Variants in CD7 observed in about 807,000 individuals in gnomAD.
CD7 encodes T-cell antigen CD7.
CD7 carries 19 observed loss-of-function variants against 17.6 expected under a neutral mutation model. The observed-to-expected ratio is 1.08, with a 90% CI of 0.75 to 1.58. CD7 has a LOEUF of 1.58. Ranked by LOEUF, CD7 falls within the 40% of genes most tolerant of loss-of-function variation. The pLI is 0.00. For missense variants in CD7, 291 were observed against 327.1 expected, an observed-to-expected ratio of 0.89 and a Z score of 0.85; for synonymous variants, 160 against 159.8, an observed-to-expected ratio of 1.00 and a Z score of -0.01.
chr17:82,317,411 T>C lies in CD7; in HGVS notation c.82+3A>G. On this transcript the variant is annotated splice_donor_region_variant and intron_variant, in intron 1 of 3. Transcript: ENST00000312648. ...GGCCATGGAGAGCCTGGGAAGCTCT[T>C]ACCTTGGGCAGCCAGGGCCCCAGGC... is the stretch of plus-strand genomic sequence containing the variant. 1 of 1,554,140 alleles carries C rather than the reference T, an allele frequency of 6.4e-7. No individual in the cohort carries two copies. Among genetic ancestry groups the C allele is most frequent in the Non-Finnish European group, 8.7e-7 (1 of 1,150,798 alleles).
chr17:82,315,647 G>C, intron 3 of CD7: 1 of 565,136 alleles, frequency 1.8e-6, no homozygotes, highest in Non-Finnish European at 3.2e-6. Context: ...GAGTGGAAGT[G>C]GCTTGGACCC....
chr17:82,316,603 G>A (rs2147260667), intron 2 of CD7, 64 bp downstream of exon 2: 4 of 1,526,162 alleles, frequency 2.6e-6, no homozygotes, highest in East Asian at 2.2e-5. Context: ...ACAAGGGCTG[G>A]GGGAGCAGAG....
At position 82,315,265 on chromosome 17, in the gene CD7, TG is replaced by T; in HGVS notation, c.*55del. ...GGGTGTGGCAGGGTGGGGGGCATGG[TG>T]GGGCAGGGAAGGTGCTGGGGGGACC... On this transcript the variant is annotated 3_prime_UTR_variant, in exon 4 of 4. Transcript: ENST00000312648. The T allele has an allele frequency of 1.3e-6, 1 of 770,394 alleles. No individual in the cohort carries two copies. The highest frequency in any genetic ancestry group is 1.8e-6 in the Non-Finnish European group (1 of 554,908). The allele number at this position is 770,394 out of a possible 1,614,324, so 47.7% of individuals were successfully genotyped here. A position where few individuals can be genotyped will look rare whatever the true frequency, so the allele number is the denominator to read the frequency against.
chr17:82,317,048 G>A, intron 1 of CD7, 67 bp from the exon 2 acceptor site: 2 of 1,402,492 alleles, frequency 1.4e-6, no homozygotes, highest in Non-Finnish European at 1.9e-6. Context: ...CCCTGCAGGG[G>A]ACAGTGGTGG....
chr17:82,316,901 G>C lies in CD7; in HGVS notation c.163C>G (p.Arg55Gly), dbSNP rs752636901. 18 of 1,612,560 alleles carry C rather than the reference G, an allele frequency of 1.1e-5. No homozygotes were observed. The highest frequency in any genetic ancestry group is 1.6e-4 in the Middle Eastern group (1 of 6,084). ...NITCSTSGGLRGIYLRQLGPQ... is the reference protein window; with the variant it reads ...NITCSTSGGLGGIYLRQLGPQ... ...CCGAGCTGCCTCAGGTAGATCCCAC[G>C]CAGGCCCCCGCTGGTGGAGCAGGTG... Residue 55 changes from arginine to glycine, a missense_variant, in exon 2 of 4, where the codon CGT becomes GGT. By Grantham distance (125) the Arg-to-Gly change is moderately radical. Transcript: ENST00000312648.
chr17:82,315,700 A>G, intron 3 of CD7: 1 of 540,124 alleles, frequency 1.9e-6, no homozygotes, highest in Non-Finnish European at 3.4e-6. Context: ...CTCCAGCCCC[A>G]GACAAACAGC....
intron 1 of CD7, 99 bp from the exon 2 acceptor site, chr17:82,317,080 GC>G (rs2147260996): frequency 8.9e-7 from 1 of 1,120,808 alleles, no homozygotes; most frequent in Non-Finnish European, 1.2e-6. Flanking sequence ...CCCTGAGACA[GC>G]CCAGGGCTGA....
At position 82,316,345 on chromosome 17, in the gene CD7, G is replaced by A. The variant is rs768019077; in HGVS notation, c.462C>T (p.Ala154=). The change falls in exon 3 of 4, where the codon GCC becomes GCT. Residue 154 remains alanine (A), a synonymous_variant. Transcript: ENST00000312648. ...CAGGGAGGGCGGAGCCTGTCGGTGG[G>A]GCAGGGAGGGCAGAGGCCCTTGGTG... The part of the protein sequence containing the change: ...DAPPRASALP[A]PPTGSALPDP... The A allele has an allele frequency of 6.3e-7, 1 of 1,592,124 alleles. No homozygotes were observed. The highest frequency in any genetic ancestry group is 8.6e-7 in the Non-Finnish European group (1 of 1,169,112).
At chr17:82,315,854 C>T (rs1055967449) in intron 3 of CD7, 11 of 599,084 alleles carry the variant, frequency 1.8e-5, no homozygotes, top group Middle Eastern at 4.4e-4. Context: ...CACCTGCACA[C>T]GTGCACACGC....
chr17:82,315,637 G>C, intron 3 of CD7: 3 of 570,132 alleles, frequency 5.3e-6, no homozygotes, highest in Non-Finnish European at 9.5e-6. Context: ...TGAAGAAGGA[G>C]AGTGGAAGTG....
In CD7 at chr17:82,316,683, G is replaced by A. The variant is rs1448638746; in HGVS notation, c.381C>T (p.Thr127=). ...ATTCCCTACCTGTCACCAGGACCAG[G>A]GTGCCGGAGCCGTAGACATTGACCT... ...ITEVNVYGSG[T]LVLVTEEQSQ... is the part of the protein sequence containing the mutation. The change falls in exon 2 of 4, where the codon ACC becomes ACT. Residue 127 remains threonine, a synonymous_variant. Coordinates refer to ENST00000312648, the MANE Select transcript of CD7 (RefSeq NM_006137.7). 1 of 1,612,124 alleles carries A rather than the reference G, an allele frequency of 6.2e-7. No individual in the cohort carries two copies. Among genetic ancestry groups the A allele is most frequent in the African/African-American group, 1.3e-5 (1 of 75,030 alleles).
chr17:82,317,367 G>A (rs773521834), intron 1 of CD7, 47 bp downstream of exon 1: 1 of 1,505,532 alleles, frequency 6.6e-7, no homozygotes, highest in Non-Finnish European at 9.0e-7. Flanking sequence ...TCATGGGGCA[G>A]GGAGAGCTCT....
At chr17:82,316,515 A>T in intron 2 of CD7, 106 bp from the exon 3 acceptor site, 2 of 1,261,462 alleles carry the variant, frequency 1.6e-6, no homozygotes, top group Admixed American at 2.1e-5. Context: ...GAGGAGGGGC[A>T]GCTATCTAGG....
intron 3 of CD7, chr17:82,315,983 C>A: frequency 5.0e-6 from 3 of 599,388 alleles, no homozygotes; most frequent in Non-Finnish European, 2.9e-6. Context: ...ACACGCGGGC[C>A]CAGCGCCTGG....
Position 82,316,664 on chromosome 17 carries a change from T to A in CD7, c.397+3A>T. 1 of 1,609,420 alleles carries A rather than the reference T, an allele frequency of 6.2e-7. No individual in the cohort carries two copies. ...GGGGGTCTGGGATGGGCACATTCCC[T>A]ACCTGTCACCAGGACCAGGGTGCCG... On this transcript the variant is annotated splice_donor_region_variant and intron_variant, in intron 2 of 3. Transcript: ENST00000312648.
Position 82,316,954 on chromosome 17 carries a change from G to T in CD7, c.110C>A (p.Thr37Asn). ...GTTGACGGAGGCTCCCACGGGGACA[G>T]TCGTGCAGTGGGGAGACTGCTGCAC... Reference protein sequence around the residue: ...QEVQQSPHCTTVPVGASVNIT... With the variant: ...QEVQQSPHCTNVPVGASVNIT... The change falls in exon 2 of 4, where the codon ACT becomes AAT. Residue 37 changes from threonine (T) to asparagine (N), a missense_variant. Transcript: ENST00000312648. The T allele has an allele frequency of 6.2e-7, 1 of 1,600,966 alleles. No homozygotes were observed. The highest frequency in any genetic ancestry group is 8.5e-7 in the Non-Finnish European group (1 of 1,177,436).
chr17:82,317,156 G>C, intron 1 of CD7, 175 bp from the exon 2 acceptor site: 1 of 676,488 alleles, frequency 1.5e-6, no homozygotes. Context: ...CTGTGGTGTT[G>C]GGGGAGGTGC....
chr17:82,315,654 A>G, intron 3 of CD7: 1 of 550,638 alleles, frequency 1.8e-6, no homozygotes, highest in Non-Finnish European at 3.3e-6. Context: ...AGTGGCTTGG[A>G]CCCCCCCACC....
At chr17:82,317,306 C>T (rs1203448582) in intron 1 of CD7, 108 bp downstream of exon 1, 27 of 1,130,426 alleles carry the variant, frequency 2.4e-5, no homozygotes, top group South Asian at 1.9e-4. Flanking sequence ...CGCTCAGCAC[C>T]CCACCCGCTT....
Sources: gnomAD v4.1 joint callset for allele counts on GRCh38, gnomAD v4.1.1 for gene constraint, MANE v1.5 for transcripts, NCBI Gene and HGNC (gene_info 2026-07-23, HGNC 2026-07-21) for gene names.